The following TRPM6 variants were observed in gnomAD, a reference collection of about 807,000 sequenced individuals.
The protein encoded by TRPM6 is channel kinase 2.
Under a neutral mutation model 247.6 loss-of-function variants are expected in TRPM6, and 111 were observed. The observed-to-expected ratio is 0.45, with a 90% CI of 0.38 to 0.52. The LOEUF (loss-of-function observed/expected upper bound fraction) is 0.52, where lower values mean the gene tolerates loss of function less well. Among genes scored for constraint, TRPM6 ranks in the 20% least tolerant of loss-of-function variants. TRPM6 has a pLI of 0.00. For synonymous variants in TRPM6, 892 were observed against 853.8 expected (o/e 1.04, Z -0.78); for missense variants, 2,126 against 2,421.5 (o/e 0.88, Z 2.56).
At position 74,747,933 on chromosome 9, in the gene TRPM6, A is replaced by G. The variant is rs1826106152; in HGVS notation, c.5058-19T>C. On this transcript the variant is annotated intron_variant, in intron 30 of 38. Coordinates refer to ENST00000360774, the MANE Select transcript of TRPM6 (RefSeq NM_017662.5). ...TTTCAGCCTGTTTGAAAAAAAAATG[A>G]AGTTGTTTAGATAATGCTGCCTTAA... 6.2e-7 allele frequency: 1 copy of G among 1,610,976 alleles called. No individual in the cohort carries two copies. The highest frequency in any genetic ancestry group is 2.2e-5 in the East Asian group (1 of 44,724).
At chr9:74,858,921 A>T (rs750114614) in intron 1 of TRPM6, among the ~76,000 whole-genome samples, 173 bp from the exon 2 acceptor site, 8 of 152,254 alleles carry the variant, frequency 5.3e-5, no homozygotes, top group Non-Finnish European at 8.8e-5. Flanking sequence ...ACATAGGCAC[A>T]AATAAGCCAA....
intron 36 of TRPM6, 47 bp from the exon 37 acceptor site, chr9:74,732,783 T>C (rs756214069): frequency 5.2e-6 from 7 of 1,342,834 alleles, no homozygotes; most frequent in Non-Finnish European, 7.4e-6. Context: ...GATTTCATTT[T>C]CTTAGAAATT....
At chr9:74,856,917 A>G (rs1830545200) in intron 2 of TRPM6, among the ~76,000 whole-genome samples, 1 of 152,156 alleles carries the variant, frequency 6.6e-6, no homozygotes, top group Admixed American at 6.5e-5. Flanking sequence ...ATATAGAGAC[A>G]GTTTTTTCAC....
chr9:74,859,028 G>T (rs937218895), intron 1 of TRPM6, among the ~76,000 whole-genome samples: 1 of 152,158 alleles, frequency 6.6e-6, no homozygotes, highest in Non-Finnish European at 1.5e-5. Context: ...AGGAAGTAAA[G>T]ATGTAACTGA....
At chr9:74,880,426 TA>T (rs1831325487) in intron 1 of TRPM6, among the ~76,000 whole-genome samples, 3 of 152,122 alleles carry the variant, frequency 2.0e-5, no homozygotes, top group South Asian at 4.1e-4. Flanking sequence ...TTCTAAATTC[TA>T]AAAACAGCAA....
Position 74,883,251 on chromosome 9 carries a change from C to G in TRPM6, c.33+4573G>C, listed in dbSNP as rs377294296. 1.6e-4 allele frequency among the ~76,000 whole-genome samples: 24 copies of G among 152,190 alleles called. No individual in the cohort carries two copies. In the East Asian group the frequency reaches 3.7e-3, roughly 23 times the overall value. On this transcript the variant is annotated intron_variant, in intron 1 of 38. Coordinates refer to ENST00000360774, the MANE Select transcript of TRPM6 (RefSeq NM_017662.5). The stretch of plus-strand genomic sequence containing the variant: ...TGTATATATGCCATATTTTGTTTAT[C>G]CATCCAGAAAATCTATTTCTATGTC...
At chr9:74,736,808 G>A (rs1213701936) in intron 36 of TRPM6, among the ~76,000 whole-genome samples, 5 of 152,232 alleles carry the variant, frequency 3.3e-5, no homozygotes, top group African/African-American at 4.8e-5. Context: ...GACTGTCAAC[G>A]CAGCATTTGT....
chr9:74,726,383 G>A lies in TRPM6; in HGVS notation c.5936-1637C>T, dbSNP rs189663872. Among the ~76,000 whole-genome samples the A allele has an allele frequency of 4.4e-4, 67 of 152,112 alleles. 1 individual carries two copies. The highest frequency in any genetic ancestry group is 1.8e-3 in the Admixed American group (28 of 15,272). The stretch of plus-strand genomic sequence containing the variant: ...AAATTAGCTGGGCGTGGTGGCGGGC[G>A]CCTGTAATCCCAGCTATTAGGGAGG... On this transcript the variant is annotated intron_variant, in intron 38 of 38. Transcript: ENST00000360774.
chr9:74,731,487 T>C (rs1485163915), intron 37 of TRPM6, among the ~76,000 whole-genome samples: 4 of 151,828 alleles, frequency 2.6e-5, no homozygotes, highest in Non-Finnish European at 5.9e-5. Context: ...GTATGTTCAA[T>C]ATGGATCACC....
At chr9:74,871,017 G>A (rs1005954609) in intron 1 of TRPM6, among the ~76,000 whole-genome samples, 2 of 152,072 alleles carry the variant, frequency 1.3e-5, no homozygotes, top group African/African-American at 4.8e-5. Context: ...AATTACAATA[G>A]CTTCAAGTAA....
rs550337816 is a variant in TRPM6, at chr9:74,815,170, T to C, written c.1308+1499A>G. Among the ~76,000 whole-genome samples the C allele has an allele frequency of 2.0e-5, 3 of 151,932 alleles. No homozygotes were observed. The South Asian group carries it at 6.2e-4, about 32-fold the overall frequency. On this transcript the variant is annotated intron_variant, in intron 11 of 38. Coordinates refer to ENST00000360774, the MANE Select transcript of TRPM6 (RefSeq NM_017662.5). Reference sequence around the variant, plus strand: ...ATGGAATGCAATGAAAACATATGATTGCCAAGTTGAAATCATGTGCCCAAC... The same window carrying C: ...ATGGAATGCAATGAAAACATATGATCGCCAAGTTGAAATCATGTGCCCAAC...
At chr9:74,873,620 C>CT (rs1200668172) in intron 1 of TRPM6, among the ~76,000 whole-genome samples, 1 of 152,128 alleles carries the variant, frequency 6.6e-6, no homozygotes, top group African/African-American at 2.4e-5. Context: ...TCGGGAGACT[C>CT]TTTTCTAAGA....
Position 74,870,927 on chromosome 9 carries a change from C to T in TRPM6, c.34-12179G>A, listed in dbSNP as rs370180081. On this transcript the variant is annotated intron_variant, in intron 1 of 38. Transcript: ENST00000360774. Reference sequence around the variant, plus strand: ...CAGCCTAGGTGACAGAGAGATACTCCGTCTCAAAAAAAAAGAAAAGAAAAG... The same window carrying T: ...CAGCCTAGGTGACAGAGAGATACTCTGTCTCAAAAAAAAAGAAAAGAAAAG... Among the ~76,000 whole-genome samples, 8 of 150,506 alleles carry T rather than the reference C, an allele frequency of 5.3e-5. No homozygotes were observed. The East Asian group carries it at 1.2e-3, about 22-fold the overall frequency.
chr9:74,791,539 T>C (rs1009755633), intron 19 of TRPM6, among the ~76,000 whole-genome samples: 4 of 152,212 alleles, frequency 2.6e-5, no homozygotes, highest in African/African-American at 9.7e-5. Flanking sequence ...GAAATAAATG[T>C]GAAAAGCACC....
intron 38 of TRPM6, 37 bp from the exon 39 acceptor site, chr9:74,724,783 C>T: frequency 6.2e-7 from 1 of 1,613,514 alleles, no homozygotes. Context: ...ATAGTGGAAC[C>T]CCAAGAACCT....
intron 33 of TRPM6, 71 bp from the exon 34 acceptor site, chr9:74,740,080 A>G: frequency 2.0e-6 from 3 of 1,534,324 alleles, no homozygotes; most frequent in Non-Finnish European, 2.7e-6. Context: ...TATCCTAAAT[A>G]TCAATGCAGA....
At chr9:74,853,677 A>T (rs1262775056) in intron 3 of TRPM6, among the ~76,000 whole-genome samples, 1 of 152,052 alleles carries the variant, frequency 6.6e-6, no homozygotes, top group Non-Finnish European at 1.5e-5. Flanking sequence ...GTTAAGAGTC[A>T]TCGCCACTCC....
intron 24 of TRPM6, among the ~76,000 whole-genome samples, chr9:74,773,563 A>G (rs1156939101): frequency 2.0e-5 from 3 of 152,236 alleles, no homozygotes; most frequent in Non-Finnish European, 4.4e-5. Context: ...CTGTTGCCTA[A>G]TAGAATAATA....
chr9:74,769,734 G>T (rs1340416175), intron 25 of TRPM6, among the ~76,000 whole-genome samples: 2 of 143,690 alleles, frequency 1.4e-5, no homozygotes, highest in Non-Finnish European at 3.0e-5. Context: ...CTCCAGCCTG[G>T]TGACAGAGTG....
Sources: allele counts gnomAD v4.1 joint callset (sites outside exome capture counted in the v4.1 genomes callset), GRCh38; gene constraint gnomAD v4.1.1; transcripts MANE v1.5; gene names NCBI Gene and HGNC (gene_info 2026-07-23, HGNC 2026-07-21).